The following PTPN14 variants were observed in gnomAD, a reference collection of about 807,000 sequenced individuals.
PTPN14 encodes the protein tyrosine-protein phosphatase non-receptor type 14.
A neutral mutation model predicts 126.8 loss-of-function variants in PTPN14; 53 were observed. The observed-to-expected ratio is 0.42, with a 90% CI of 0.34 to 0.53. The LOEUF is 0.53. Among genes scored for constraint, PTPN14 ranks in the 20% least tolerant of loss-of-function variants. The pLI, the probability that PTPN14 is intolerant of heterozygous loss-of-function variation, is 0.08. For missense variants in PTPN14, 1,257 were observed against 1,552.9 expected, an observed-to-expected ratio of 0.81 and a Z score of 3.20; for synonymous variants, 630 against 599.3, an observed-to-expected ratio of 1.05 and a Z score of -0.75.
At chr1:214,414,314 T>C (rs891395694) in intron 4 of PTPN14, among the ~76,000 whole-genome samples, 1 of 152,210 alleles carries the variant, frequency 6.6e-6, no homozygotes, top group Non-Finnish European at 1.5e-5. Context: ...ACATTGTGCC[T>C]TGGAATAATT....
At chr1:214,404,686 A>C (rs2102570044) in intron 5 of PTPN14, among the ~76,000 whole-genome samples, 1 of 152,252 alleles carries the variant, frequency 6.6e-6, no homozygotes, top group Non-Finnish European at 1.5e-5. Context: ...TGCCAGGGAG[A>C]GTGCGAGCAT....
intron 3 of PTPN14, among the ~76,000 whole-genome samples, chr1:214,440,970 C>G (rs1462560395): frequency 6.6e-6 from 1 of 152,180 alleles, no homozygotes; most frequent in Non-Finnish European, 1.5e-5. Context: ...AATCTCTGAT[C>G]TTACTGGTAG....
intron 3 of PTPN14, among the ~76,000 whole-genome samples, chr1:214,446,051 G>A (rs1033073407): frequency 2.0e-5 from 3 of 152,192 alleles, no homozygotes; most frequent in Admixed American, 2.0e-4. Flanking sequence ...AATTACAGTG[G>A]TCCCATCCCT....
intron 1 of PTPN14, chr1:214,532,563 C>T (rs1655580933): frequency 1.9e-6 from 2 of 1,070,692 alleles, no homozygotes; most frequent in East Asian, 2.4e-5. Flanking sequence ...AGACTGGGGG[C>T]CATTACTTCA....
chr1:214,546,523 CA>C (rs2102489566), intron 1 of PTPN14, among the ~76,000 whole-genome samples: 1 of 152,324 alleles, frequency 6.6e-6, no homozygotes, highest in East Asian at 1.9e-4. Flanking sequence ...TAGATCAAGT[CA>C]GTGGCCCACA....
intron 11 of PTPN14, among the ~76,000 whole-genome samples, chr1:214,389,111 AT>A (rs1226404134): frequency 6.6e-6 from 1 of 152,196 alleles, no homozygotes; most frequent in Admixed American, 6.5e-5. Flanking sequence ...ATTCAACTAA[AT>A]TTTTCCATGG....
intron 3 of PTPN14, among the ~76,000 whole-genome samples, chr1:214,447,705 A>G (rs1431208435): frequency 1.3e-5 from 2 of 152,140 alleles, no homozygotes; most frequent in Non-Finnish European, 2.9e-5. Context: ...ACATACACAC[A>G]TACTCACGCA....
chr1:214,514,559 C>T (rs141994516), intron 1 of PTPN14, among the ~76,000 whole-genome samples: 31 of 144,108 alleles, frequency 2.2e-4, no homozygotes, highest in African/African-American at 8.8e-4. Context: ...CTCTACTAGA[C>T]AGTCTGATTC....
At chr1:214,538,262 C>T (rs780884939) in intron 1 of PTPN14, among the ~76,000 whole-genome samples, 19 of 152,212 alleles carry the variant, frequency 1.2e-4, no homozygotes, top group Non-Finnish European at 2.5e-4. Flanking sequence ...CTGAGCCTAA[C>T]GTGGTGGTTA....
intron 1 of PTPN14, among the ~76,000 whole-genome samples, chr1:214,543,386 A>G (rs1248876262): frequency 6.6e-6 from 1 of 152,196 alleles, no homozygotes; most frequent in Non-Finnish European, 1.5e-5. Flanking sequence ...GAACCATAGT[A>G]TGAGTAACTT....
At chr1:214,492,463 T>C (rs980027840) in intron 1 of PTPN14, among the ~76,000 whole-genome samples, 5 of 152,362 alleles carry the variant, frequency 3.3e-5, no homozygotes, top group East Asian at 3.9e-4. Context: ...TTCATTTAAA[T>C]GCCTTTATAA....
intron 1 of PTPN14, among the ~76,000 whole-genome samples, chr1:214,541,714 C>A (rs1397786690): frequency 1.3e-5 from 2 of 152,188 alleles, no homozygotes; most frequent in Non-Finnish European, 2.9e-5. Flanking sequence ...AACCACTTTA[C>A]ATTGTTGTTA....
chr1:214,388,328 G>C (rs1051898955), intron 11 of PTPN14, among the ~76,000 whole-genome samples: 3 of 151,954 alleles, frequency 2.0e-5, no homozygotes, highest in African/African-American at 4.8e-5. Context: ...TAAGAGTTTT[G>C]ATTTGCGGGG....
intron 15 of PTPN14, among the ~76,000 whole-genome samples, chr1:214,373,491 CT>C (rs1490285921): frequency 6.6e-6 from 1 of 151,128 alleles, no homozygotes; most frequent in African/African-American, 2.4e-5. Flanking sequence ...ATAATAGTTA[CT>C]GCTTACTATG....
intron 1 of PTPN14, among the ~76,000 whole-genome samples, chr1:214,535,437 A>G (rs1398589447): frequency 1.3e-5 from 2 of 152,240 alleles, no homozygotes; most frequent in African/African-American, 4.8e-5. Context: ...TTGTCAGATT[A>G]TAAAGAAGGC....
At chr1:214,485,596 T>G (rs1019097314) in intron 1 of PTPN14, among the ~76,000 whole-genome samples, 1 of 152,174 alleles carries the variant, frequency 6.6e-6, no homozygotes, top group Non-Finnish European at 1.5e-5. Flanking sequence ...TGACCTAGAC[T>G]TCCAACTCCT....
rs1659772839 is a variant in PTPN14 at position 214,430,398 on chromosome 1, T to G, written c.345-15672A>C. On this transcript the variant is annotated intron_variant, in intron 3 of 18. Transcript: ENST00000366956. ...GTCATGGTTAATTTTATGTGTCAAT[T>G]TGGCTAGGCCACGATATCCATATAT... 2.0e-5 allele frequency among the ~76,000 whole-genome samples: 3 copies of G among 152,222 alleles called. No individual in the cohort carries two copies. The South Asian group carries it at 6.2e-4, about 32-fold the overall frequency.
chr1:214,404,306 C>T (rs907582375), intron 5 of PTPN14, among the ~76,000 whole-genome samples: 10 of 152,188 alleles, frequency 6.6e-5, no homozygotes, highest in Non-Finnish European at 2.9e-5. Context: ...GGAATTATGG[C>T]AGCTCTTACT....
intron 2 of PTPN14, among the ~76,000 whole-genome samples, chr1:214,461,497 T>G (rs4655256): frequency 0.83 from 125,995 of 152,014 alleles, 52,324 homozygotes; most frequent in African/African-American, 0.89. Flanking sequence ...GCTGGGCATG[T>G]TGGCATGTGC....
Sources: allele counts gnomAD v4.1 joint callset (sites outside exome capture counted in the v4.1 genomes callset), GRCh38; gene constraint gnomAD v4.1.1; transcripts MANE v1.5; gene names NCBI Gene and HGNC (gene_info 2026-07-23, HGNC 2026-07-21).